Variants in NTNG1 observed in about 807,000 individuals in gnomAD.
The protein encoded by NTNG1 is netrin G1, also known as netrin-G1.
Under a neutral mutation model 54.0 loss-of-function variants are expected in NTNG1, and 16 were observed. The ratio of observed to expected loss-of-function variants is 0.30; its 90% confidence interval spans 0.20 to 0.45. The LOEUF (loss-of-function observed/expected upper bound fraction) is 0.45. Ranked by LOEUF, NTNG1 falls within the 20% of genes least tolerant of loss-of-function variation. NTNG1 has a pLI of 1.00. For missense variants in NTNG1, 530 were observed against 678.7 expected (o/e 0.78, Z 2.43); for synonymous variants, 255 against 263.1 (o/e 0.97, Z 0.30).
intron 2 of NTNG1, among the ~76,000 whole-genome samples, chr1:107,257,623 A>G (rs1443966322): frequency 6.6e-6 from 1 of 152,210 alleles, no homozygotes; most frequent in Non-Finnish European, 1.5e-5. Flanking sequence ...AAAAATACGC[A>G]GCCAATTTGA....
chr1:107,141,495 C>G (rs1161178526), intron 1 of NTNG1: 5 of 151,550 alleles, frequency 3.3e-5, no homozygotes, highest in Admixed American at 1.3e-4. Context: ...TACTGCGACC[C>G]GAGCCTCTCG....
chr1:107,194,604 T>A (rs1186475241), intron 2 of NTNG1, among the ~76,000 whole-genome samples: 1 of 152,046 alleles, frequency 6.6e-6, no homozygotes, highest in Admixed American at 6.6e-5. Flanking sequence ...TGTTTAAAAG[T>A]GAGATCAGCA....
chr1:107,415,737 T>C (rs536815811), intron 5 of NTNG1, among the ~76,000 whole-genome samples: 2 of 152,272 alleles, frequency 1.3e-5, no homozygotes, highest in Admixed American at 6.5e-5. Flanking sequence ...TGACGTATTA[T>C]AATTCATTTC....
chr1:107,280,403 T>C (rs1385799113), intron 2 of NTNG1, among the ~76,000 whole-genome samples: 1 of 151,918 alleles, frequency 6.6e-6, no homozygotes, highest in African/African-American at 2.4e-5. Flanking sequence ...TATCTTTCTT[T>C]GAGTTTCTCC....
intron 2 of NTNG1, among the ~76,000 whole-genome samples, chr1:107,286,884 C>T (rs766105901): frequency 1.3e-5 from 2 of 152,074 alleles, no homozygotes; most frequent in Non-Finnish European, 1.5e-5. Context: ...ATCCAAATTT[C>T]AAAAGAATTA....
At position 107,416,000 on chromosome 1, in the gene NTNG1, T is replaced by C. The variant is rs77040871; in HGVS notation, c.1087+8292T>C. Reference sequence around the variant, plus strand: ...GCTAATTTTAAGTTGTTTTCTTACTTGGCCTTGCAATTATAAAACAAAATA... The same window carrying C: ...GCTAATTTTAAGTTGTTTTCTTACTCGGCCTTGCAATTATAAAACAAAATA... On this transcript the variant is annotated intron_variant, in intron 5 of 7. Coordinates refer to ENST00000370068, the MANE Select transcript of NTNG1 (RefSeq NM_001113226.3). Among the ~76,000 whole-genome samples, 1,805 of 152,268 alleles carry C rather than the reference T, an allele frequency of 0.012. 90 individuals carry two copies. In the East Asian group the frequency reaches 0.17, roughly 15 times the overall value.
chr1:107,424,934 C>T (rs951073817), intron 5 of NTNG1, among the ~76,000 whole-genome samples: 1 of 151,856 alleles, frequency 6.6e-6, no homozygotes, highest in African/African-American at 2.4e-5. Context: ...AGGATTAAAC[C>T]TTGAGACATT....
chr1:107,249,160 A>AATAATG (rs1344340076), intron 2 of NTNG1, among the ~76,000 whole-genome samples: 2 of 24,606 alleles, frequency 8.1e-5, no homozygotes, highest in Non-Finnish European at 5.9e-4. Context: ...ACTCTATCTC[A>AATAATG]ATAATAATAA....
At chr1:107,278,548 A>G (rs12126465) in intron 2 of NTNG1, among the ~76,000 whole-genome samples, 1 of 152,082 alleles carries the variant, frequency 6.6e-6, no homozygotes, top group Non-Finnish European at 1.5e-5. Context: ...AAGGTCTTTT[A>G]TTCATTGAAT....
chr1:107,402,065 T>C (rs1011610234), intron 4 of NTNG1, among the ~76,000 whole-genome samples: 1 of 152,160 alleles, frequency 6.6e-6, no homozygotes, highest in Non-Finnish European at 1.5e-5. Flanking sequence ...ACAGCAGCTA[T>C]GTAGGGAGAT....
Position 107,328,737 on chromosome 1 carries a change from C to T in NTNG1, c.887+3815C>T, listed in dbSNP as rs1476116636. On this transcript the variant is annotated intron_variant, in intron 3 of 7. Coordinates refer to ENST00000370068, the MANE Select transcript of NTNG1 (RefSeq NM_001113226.3). ...CTGCATAGATTTTATGAAATATAAA[C>T]TAAAAATTATTTATTATTTCTTTGA... 5.3e-5 allele frequency among the ~76,000 whole-genome samples: 8 copies of T among 152,106 alleles called. No homozygotes were observed. In the East Asian group the frequency reaches 1.5e-3, roughly 29 times the overall value.
chr1:107,251,327 C>T (rs1308791528), intron 2 of NTNG1, among the ~76,000 whole-genome samples: 1 of 152,086 alleles, frequency 6.6e-6, no homozygotes, highest in East Asian at 1.9e-4. Flanking sequence ...TGTAGAAACT[C>T]GTCTTATCTC....
chr1:107,456,621 T>A (rs1676973425), intron 7 of NTNG1, among the ~76,000 whole-genome samples: 1 of 152,208 alleles, frequency 6.6e-6, no homozygotes, highest in African/African-American at 2.4e-5. Context: ...TGGCTGCAGA[T>A]ACCACACTAC....
chr1:107,379,172 G>T (rs995171472), intron 3 of NTNG1, among the ~76,000 whole-genome samples: 1 of 152,082 alleles, frequency 6.6e-6, no homozygotes, highest in African/African-American at 2.4e-5. Flanking sequence ...TGCTTTTGTT[G>T]CAAGGCTGCT....
chr1:107,363,315 G>C lies in NTNG1; in HGVS notation c.888-31839G>C, dbSNP rs75029426. Among the ~76,000 whole-genome samples, 623 of 152,250 alleles carry C rather than the reference G, an allele frequency of 4.1e-3. 8 individuals carry two copies. The highest frequency in any genetic ancestry group is 0.014 in the African/African-American group (566 of 41,544). On this transcript the variant is annotated intron_variant, in intron 3 of 7. Coordinates refer to ENST00000370068, the MANE Select transcript of NTNG1 (RefSeq NM_001113226.3). ...ATTCCTAGGGAGGGAGTATAGAATT[G>C]TGTAGTCTCTGTGCCAGAAAGCCAC...
intron 7 of NTNG1, among the ~76,000 whole-genome samples, chr1:107,437,342 G>A (rs1209678909): frequency 6.6e-6 from 1 of 152,198 alleles, no homozygotes; most frequent in Non-Finnish European, 1.5e-5. Flanking sequence ...TCTGAGGTTA[G>A]GCACTATGCG....
At chr1:107,259,982 C>A (rs12074385) in intron 2 of NTNG1, among the ~76,000 whole-genome samples, 1 of 152,024 alleles carries the variant, frequency 6.6e-6, no homozygotes, top group Non-Finnish European at 1.5e-5. Context: ...GAGAGGGACA[C>A]CATAGAGCCG....
intron 7 of NTNG1, among the ~76,000 whole-genome samples, chr1:107,453,580 G>A (rs1360497794): frequency 1.3e-5 from 2 of 152,156 alleles, no homozygotes; most frequent in Admixed American, 1.3e-4. Context: ...CATAAGCCTG[G>A]ATTTCTTCTA....
chr1:107,315,285 T>C (rs1334051502), intron 2 of NTNG1, among the ~76,000 whole-genome samples: 1 of 152,182 alleles, frequency 6.6e-6, no homozygotes, highest in African/African-American at 2.4e-5. Flanking sequence ...GCCACCAACA[T>C]GCCTCATTCA....
Sources: allele counts gnomAD v4.1 joint callset (sites outside exome capture counted in the v4.1 genomes callset), GRCh38; gene constraint gnomAD v4.1.1; transcripts MANE v1.5; gene names NCBI Gene and HGNC (gene_info 2026-07-23, HGNC 2026-07-21).